Variants in SH3BP2 observed in about 807,000 individuals in gnomAD.
SH3BP2 encodes SH3 domain-binding protein 2.
A neutral mutation model predicts 56.2 loss-of-function variants in SH3BP2; 38 were observed. The observed-to-expected ratio is 0.68, with a 90% CI of 0.52 to 0.89. The LOEUF is 0.89. Among genes scored for constraint, SH3BP2 ranks in the 40% least tolerant of loss-of-function variants. The pLI is 0.00. For missense variants in SH3BP2, 748 were observed against 762.6 expected, an observed-to-expected ratio of 0.98 and a Z score of 0.23; for synonymous variants, 346 against 316.7, an observed-to-expected ratio of 1.09 and a Z score of -0.98.
At chr4:2,822,832 A>G (rs1724380691) in intron 2 of SH3BP2, 103 bp from the exon 3 acceptor site, 3 of 831,496 alleles carry the variant, frequency 3.6e-6, no homozygotes, top group Non-Finnish European at 6.1e-6. Context: ...TAAGGCTTAG[A>G]GGCAGGAGGC....
intron 1 of SH3BP2, chr4:2,812,233 A>G (rs1723777198): frequency 2.6e-6 from 4 of 1,513,930 alleles, no homozygotes; most frequent in Non-Finnish European, 2.7e-6. Context: ...GGTGCTGCCC[A>G]GGGAGCAGGG....
At chr4:2,827,777 C>G (rs536915757) in intron 7 of SH3BP2, 103 bp downstream of exon 7, 1 of 993,052 alleles carries the variant, frequency 1.0e-6, no homozygotes, top group Admixed American at 2.0e-5. Flanking sequence ...GCCCAGGTAC[C>G]GCTCTGGGTG....
At position 2,837,033 on chromosome 4, in the gene SH3BP2, G is replaced by C. The variant is rs1725256825; in HGVS notation, c.*3199G>C. ...CCGTGCCTTCAGTTAATAAAGATTT[G>C]TATTGTGAAAAGATTTTTTCTTTTT... On this transcript the variant is annotated 3_prime_UTR_variant, in exon 13 of 13. Transcript: ENST00000503393. 6.6e-6 allele frequency: 1 copy of C among 151,982 alleles called. No homozygotes were observed. Among genetic ancestry groups the C allele is most frequent in the African/African-American group, 2.4e-5 (1 of 41,274 alleles). 9.4% of individuals were successfully genotyped at this position (151,982 alleles called of 1,614,324 possible).
chr4:2,806,359 G>T (rs1329559597), intron 1 of SH3BP2, among the ~76,000 whole-genome samples: 1 of 152,186 alleles, frequency 6.6e-6, no homozygotes, highest in Non-Finnish European at 1.5e-5. Context: ...CCCAGCCTTG[G>T]GTGGGAGCCA....
chr4:2,833,792 C>T lies in SH3BP2; in HGVS notation c.1644C>T (p.Ser548=), dbSNP rs145346010. 116 of 1,594,378 alleles carry T rather than the reference C, an allele frequency of 7.3e-5. No homozygotes were observed. The highest frequency in any genetic ancestry group is 9.7e-5 in the Non-Finnish European group (114 of 1,170,340). Residue 548 remains serine, a synonymous_variant, in exon 13 of 13, where the codon AGC becomes AGT. Transcript: ENST00000503393. ...YHTHVLPSHQ[S]LLLRHPYGYT... ...CCCACGTGCTGCCCAGCCACCAGAG[C>T]CTGCTGCTGCGGCACCCCTACGGCT...
intron 1 of SH3BP2, chr4:2,799,324 T>C (rs1265139059): frequency 5.1e-5 from 50 of 984,486 alleles, no homozygotes; most frequent in Non-Finnish European, 5.7e-5. Context: ...GGGCCCTGGG[T>C]GTGTAAAGTG....
chr4:2,810,957 GCTGAAGGTGTGGT>G lies in SH3BP2; in HGVS notation c.-4-9653_-4-9641del, dbSNP rs555780991. ...GTCTGCCTGCTGTGGCCAGCCTTCT[GCTGAAGGTGTGGT>G]CTGCCCTTGGCCACCTGAGGGGACT... On this transcript the variant is annotated intron_variant, in intron 1 of 12. Transcript: ENST00000503393. The surrounding 1 kb of genome is among the most constrained non-coding windows in gnomAD (Gnocchi z 4.2). Among the ~76,000 whole-genome samples the G allele has an allele frequency of 2.4e-4, 36 of 152,396 alleles. No individual in the cohort carries two copies. In the East Asian group the frequency reaches 6.9e-3, roughly 29 times the overall value.
At position 2,831,801 on chromosome 4, in the gene SH3BP2, G is replaced by A. The variant is rs1234186587; in HGVS notation, c.1350+122G>A. On this transcript the variant is annotated intron_variant, in intron 9 of 12. Coordinates refer to ENST00000503393, the MANE Select transcript of SH3BP2 (RefSeq NM_001122681.2). This position sits in a 1 kb window ranked among gnomAD's most constrained non-coding sequence, Gnocchi z 4.1. Reference sequence around the variant, plus strand: ...GCAAGGACCCCCCGAGAACCCGGGAGCCTAGGGGGACACAGCACCATGTAA... The same window carrying A: ...GCAAGGACCCCCCGAGAACCCGGGAACCTAGGGGGACACAGCACCATGTAA... 2 of 1,359,200 alleles carry A rather than the reference G, an allele frequency of 1.5e-6. No individual in the cohort carries two copies. Among genetic ancestry groups the A allele is most frequent in the African/African-American group, 2.9e-5 (2 of 69,544 alleles). The allele number at this position is 1,359,200 out of a possible 1,614,324, so 84.2% of individuals were successfully genotyped here.
intron 1 of SH3BP2, chr4:2,812,292 G>A: frequency 6.5e-7 from 1 of 1,545,462 alleles, no homozygotes; most frequent in Non-Finnish European, 8.7e-7. Context: ...ACAGGCCTCA[G>A]AAGCAGCAGG....
At chr4:2,798,532 C>G (rs1723134273) in intron 1 of SH3BP2, 1 of 152,390 alleles carries the variant, frequency 6.6e-6, no homozygotes, top group South Asian at 2.1e-4. Flanking sequence ...CGGAAACGCC[C>G]CTCCCTGACC....
At chr4:2,798,969 G>A in intron 1 of SH3BP2, 9 of 985,716 alleles carry the variant, frequency 9.1e-6, no homozygotes, top group Non-Finnish European at 9.6e-6. Context: ...GGGGTGTGTG[G>A]GAGTGGCCCC....
intron 12 of SH3BP2, chr4:2,833,263 T>G (rs1207144146): frequency 6.3e-6 from 4 of 632,536 alleles, no homozygotes; most frequent in Non-Finnish European, 1.1e-5. Context: ...CTGACCCTAG[T>G]GGGGATGGGC....
At chr4:2,825,011 T>TAC in intron 4 of SH3BP2, 115 bp from the exon 5 acceptor site, 1 of 961,790 alleles carries the variant, frequency 1.0e-6, no homozygotes, top group Non-Finnish European at 1.6e-6. Flanking sequence ...TCCAGCCGGG[T>TAC]CGCCTCCTCT....
rs994543936 is a variant in SH3BP2, at chr4:2,836,314, A to G, written c.*2480A>G. The G allele has an allele frequency of 4.6e-5, 7 of 152,470 alleles. No homozygotes were observed. Among genetic ancestry groups the G allele is most frequent in the African/African-American group, 1.7e-4 (7 of 41,464 alleles). 9.4% of individuals were successfully genotyped at this position (152,470 alleles called of 1,614,324 possible). Reference sequence around the variant, plus strand: ...CCTCCAGCATGAAGAAGGAGCCATGAGGAGTTCCCATGACCTCCCGAGACT... The same window carrying G: ...CCTCCAGCATGAAGAAGGAGCCATGGGGAGTTCCCATGACCTCCCGAGACT... On this transcript the variant is annotated 3_prime_UTR_variant, in exon 13 of 13. Transcript: ENST00000503393.
At chr4:2,816,123 C>G (rs551246743) in intron 1 of SH3BP2, among the ~76,000 whole-genome samples, 1 of 151,942 alleles carries the variant, frequency 6.6e-6, no homozygotes, top group Non-Finnish European at 1.5e-5. Context: ...GGCGCAATCT[C>G]GGCTCACTGC....
chr4:2,829,577 ACTCCTTTACCTC>A lies in SH3BP2; in HGVS notation c.673_684del (p.Ser225_Ser228del). On this transcript the variant is annotated inframe_deletion, in exon 8 of 13. Transcript: ENST00000503393. The surrounding 1 kb of genome is among the most constrained non-coding windows in gnomAD (Gnocchi z 4.9). Reference sequence around the variant, plus strand: ...GCCTTCTCTGACATGCCCCGGGCCCACTCCTTTACCTCCAAGGGCCCCGGTCCCCTACTGCCA... The same window carrying A: ...GCCTTCTCTGACATGCCCCGGGCCCACAAGGGCCCCGGTCCCCTACTGCCA... The A allele has an allele frequency of 1.2e-6, 2 of 1,608,940 alleles. No individual in the cohort carries two copies. Among genetic ancestry groups the A allele is most frequent in the Non-Finnish European group, 1.7e-6 (2 of 1,178,534 alleles).
rs1007294624 is a variant in SH3BP2, at chr4:2,827,620, G to A, written c.532G>A (p.Asp178Asn). The change falls in exon 7 of 13, where the codon GAT becomes AAT. Residue 178 changes from aspartate to asparagine, a missense_variant. Around this residue, in one of 3 missense-constraint regions of SH3BP2, gnomAD observed 635 missense variants for 615.0 expected, o/e 1.03. Coordinates refer to ENST00000503393, the MANE Select transcript of SH3BP2 (RefSeq NM_001122681.2). The stretch of plus-strand genomic sequence containing the variant: ...TCCCCATGCAGACTATGAGCACGAC[G>A]ATGAGGATGACTCCTACCTGGAGCC... The part of the protein sequence containing the change: ...PTDNEDYEHD[D>N]EDDSYLEPDS... 3.8e-6 allele frequency: 6 copies of A among 1,586,828 alleles called. No homozygotes were observed. The highest frequency in any genetic ancestry group is 5.1e-6 in the Non-Finnish European group (6 of 1,165,154).
chr4:2,824,943 A>T (rs1341460991), intron 4 of SH3BP2, 183 bp from the exon 5 acceptor site: 4 of 689,556 alleles, frequency 5.8e-6, no homozygotes, highest in Non-Finnish European at 1.0e-5. Flanking sequence ...CACACAAGGA[A>T]CATGCTGTCC....
rs528886113 is a variant in SH3BP2, at chr4:2,831,487, G to T, written c.1242-84G>T. 59 of 1,002,856 alleles carry T rather than the reference G, an allele frequency of 5.9e-5. No homozygotes were observed. The African/African-American group carries it at 8.8e-4, about 15-fold the overall frequency. The allele number at this position is 1,002,856 out of a possible 1,614,324, so 62.1% of individuals were successfully genotyped here. Reference sequence around the variant, plus strand: ...AGGCAGCTTGCCGTCCTCACACAGAGGGTGGAGTGGGGAGGGGAGCAGAGG... The same window carrying T: ...AGGCAGCTTGCCGTCCTCACACAGATGGTGGAGTGGGGAGGGGAGCAGAGG... On this transcript the variant is annotated intron_variant, in intron 8 of 12. Coordinates refer to ENST00000503393, the MANE Select transcript of SH3BP2 (RefSeq NM_001122681.2). This position sits in a 1 kb window ranked among gnomAD's most constrained non-coding sequence, Gnocchi z 4.1.
Sources: gnomAD v4.1 joint callset for allele counts (sites outside exome capture counted in the v4.1 genomes callset) on GRCh38, gnomAD v4.1.1 for gene constraint, gnomAD v4.1.1 regional missense constraint, Gnocchi (gnomAD v3.1) non-coding constraint, MANE v1.5 for transcripts, NCBI Gene and HGNC (gene_info 2026-07-23, HGNC 2026-07-21) for gene names.